The following RICTOR variants were observed in gnomAD, a reference collection of about 807,000 sequenced individuals.
RICTOR encodes RPTOR independent companion of MTOR complex 2, also known as rapamycin-insensitive companion of mTOR.
A neutral mutation model predicts 214.9 loss-of-function variants in RICTOR; 49 were observed. The ratio of observed to expected loss-of-function variants is 0.23; its 90% CI spans 0.18 to 0.29. The LOEUF is 0.29. RICTOR is among the 10% of genes least tolerant of loss of function. The pLI is 1.00. For synonymous variants in RICTOR, 717 were observed against 711.3 expected (o/e 1.01, Z -0.13); for missense variants, 1,625 against 2,047.0 (o/e 0.79, Z 3.98).
intron 2 of RICTOR, among the ~76,000 whole-genome samples, chr5:39,036,201 A>C (rs1756679502): frequency 6.6e-6 from 1 of 152,260 alleles, no homozygotes. Context: ...CCAGAATTTC[A>C]TATCCAGCCA....
At chr5:38,958,072 C>T (rs998140215) in intron 24 of RICTOR, among the ~76,000 whole-genome samples, 7 of 151,874 alleles carry the variant, frequency 4.6e-5, no homozygotes, top group African/African-American at 1.7e-4. Context: ...TCCAACTCTA[C>T]TAAAAATACA....
rs1296901009 is a variant in RICTOR, at chr5:39,074,332, G to T, written c.46C>A (p.Arg16=). ...RGRSLKNLRV[R]GRNDSGEENV... is the part of the protein sequence containing the mutation. ...GTGAGGGTTGCAGCGGGCTTACCTC[G>T]TACTCGGAGGTTCTTCAGAGAGCGG... The change falls in exon 1 of 38, where the codon CGA becomes AGA. Residue 16 remains arginine, a synonymous_variant. Coordinates refer to ENST00000357387, the MANE Select transcript of RICTOR (RefSeq NM_152756.5). 1.4e-5 allele frequency: 22 copies of T among 1,540,240 alleles called. No homozygotes were observed. The highest frequency in any genetic ancestry group is 1.9e-5 in the Non-Finnish European group (22 of 1,142,064).
chr5:39,011,071 C>T (rs1217973967), intron 3 of RICTOR, among the ~76,000 whole-genome samples: 1 of 152,140 alleles, frequency 6.6e-6, no homozygotes, highest in Non-Finnish European at 1.5e-5. Context: ...GGCAGCCCCT[C>T]CCATCACAGG....
chr5:39,064,244 A>G (rs1758748808), intron 2 of RICTOR, among the ~76,000 whole-genome samples: 2 of 152,352 alleles, frequency 1.3e-5, no homozygotes, highest in South Asian at 4.1e-4. Context: ...TAACAAAAAA[A>G]CACAAATAAC....
In RICTOR at chr5:38,957,718, A is replaced by T. The variant is rs41271103; in HGVS notation, c.2433T>A (p.Ile811=). 15,741 of 1,574,204 alleles carry T rather than the reference A, an allele frequency of 1.0e-2. 108 individuals are homozygous for T. The highest frequency in any genetic ancestry group is 0.012 in the Non-Finnish European group (13,677 of 1,151,442). Residue 811 remains isoleucine (I), a synonymous_variant, in exon 25 of 38, where the codon ATT becomes ATA. Transcript: ENST00000357387. ...GLLLLLRFLS[I]PKGFSYLNER... Reference sequence around the variant, plus strand: ...CATTCAGATAGGAAAATCCTTTTGGAATGGAGAGAAATCTGCAAATTAAAA... The same window carrying T: ...CATTCAGATAGGAAAATCCTTTTGGTATGGAGAGAAATCTGCAAATTAAAA...
rs757156639 is a variant in RICTOR, at chr5:38,947,355, G to A, written c.4223C>T (p.Ser1408Leu). Residue 1408 changes from serine to leucine, a missense_variant, in exon 32 of 38, where the codon TCA (serine) becomes TTA (leucine). By Grantham distance (145) the Ser-to-Leu change is moderately radical. Around this residue, in one of 5 missense-constraint regions of RICTOR, gnomAD observed 1,214 missense variants for 1,470.5 expected, o/e 0.83. Coordinates refer to ENST00000357387, the MANE Select transcript of RICTOR (RefSeq NM_152756.5). Reference sequence around the variant, plus strand: ...GGCACTGGACACCATGGACCGCACTGAGGAAGATCGTTGCAGGGTATTTTG... The same window carrying A: ...GGCACTGGACACCATGGACCGCACTAAGGAAGATCGTTGCAGGGTATTTTG... ...INQNTLQRSS[S>L]VRSMVSSATY... 6.2e-7 allele frequency: 1 copy of A among 1,612,134 alleles called. No individual in the cohort carries two copies. Among genetic ancestry groups the A allele is most frequent in the Non-Finnish European group, 8.5e-7 (1 of 1,178,400 alleles).
At chr5:39,047,633 T>G (rs922803964) in intron 2 of RICTOR, among the ~76,000 whole-genome samples, 7 of 152,214 alleles carry the variant, frequency 4.6e-5, no homozygotes, top group African/African-American at 1.7e-4. Flanking sequence ...TTATTTCTTT[T>G]AGGAAAAACA....
rs1747389413 is a variant in RICTOR, at chr5:38,940,131, A to AG, written c.*2172_*2173insC. On this transcript the variant is annotated 3_prime_UTR_variant, in exon 38 of 38. Coordinates refer to ENST00000357387, the MANE Select transcript of RICTOR (RefSeq NM_152756.5). ...CATACATATTTTTCAAAGTAACAGTAAAAAAAAAAAACAAAAAAAAAAACA... is the reference window on the plus strand; with the variant it reads ...CATACATATTTTTCAAAGTAACAGTAGAAAAAAAAAAACAAAAAAAAAAACA... 1 of 156,940 alleles carries AG rather than the reference A, an allele frequency of 6.4e-6. No individual in the cohort carries two copies. Among genetic ancestry groups the AG allele is most frequent in the Non-Finnish European group, 1.2e-5 (1 of 82,080 alleles). The allele number at this position is 156,940 out of a possible 1,614,324, so 9.7% of individuals were successfully genotyped here.
intron 2 of RICTOR, among the ~76,000 whole-genome samples, chr5:39,024,022 G>A (rs1424061364): frequency 6.6e-6 from 1 of 152,126 alleles, no homozygotes; most frequent in Non-Finnish European, 1.5e-5. Flanking sequence ...ACCCGGGGTG[G>A]GGATGGTTTT....
At chr5:38,996,532 T>C (rs1753189715) in intron 6 of RICTOR, among the ~76,000 whole-genome samples, 1 of 152,182 alleles carries the variant, frequency 6.6e-6, no homozygotes, top group Non-Finnish European at 1.5e-5. Flanking sequence ...TAGTAACTTA[T>C]CAAAGCAGTA....
chr5:39,035,370 GA>G (rs1158061365), intron 2 of RICTOR, among the ~76,000 whole-genome samples: 2 of 152,074 alleles, frequency 1.3e-5, no homozygotes, highest in African/African-American at 4.8e-5. Context: ...CAAAGATGGG[GA>G]AAAAACAGAG....
intron 31 of RICTOR, among the ~76,000 whole-genome samples, chr5:38,948,580 A>C (rs1176172654): frequency 6.6e-6 from 1 of 152,078 alleles, no homozygotes; most frequent in African/African-American, 2.4e-5. Context: ...ACAACAATAC[A>C]AAAGTTTACA....
At chr5:38,944,869 A>G (rs1276504314) in intron 35 of RICTOR, 44 bp downstream of exon 35, 2 of 1,566,834 alleles carry the variant, frequency 1.3e-6, no homozygotes, top group East Asian at 4.5e-5. Context: ...AACTAATCAG[A>G]ACAGTTTTAC....
At chr5:38,994,488 G>C (rs1753032042) in intron 6 of RICTOR, among the ~76,000 whole-genome samples, 1 of 123,374 alleles carries the variant, frequency 8.1e-6, no homozygotes, top group Non-Finnish European at 1.6e-5. Flanking sequence ...TGAAATTATA[G>C]TTTCTCTGGC....
intron 6 of RICTOR, among the ~76,000 whole-genome samples, chr5:38,995,451 C>G (rs1256545496): frequency 1.3e-5 from 2 of 151,924 alleles, no homozygotes; most frequent in Non-Finnish European, 2.9e-5. Flanking sequence ...AAAAAGATTA[C>G]ATACGGGGTA....
chr5:38,943,704 T>C (rs1450321155), intron 36 of RICTOR, among the ~76,000 whole-genome samples: 2 of 152,034 alleles, frequency 1.3e-5, no homozygotes, highest in South Asian at 2.1e-4. Flanking sequence ...TCCCAGCTAC[T>C]TGGGAGGCTG....
At chr5:38,978,550 T>C (rs367616655) in intron 9 of RICTOR, 33 bp downstream of exon 9, 1 of 1,119,502 alleles carries the variant, frequency 8.9e-7, no homozygotes, top group South Asian at 1.4e-5. Context: ...ATATACATTA[T>C]CTTAAAAATT....
At chr5:39,071,265 A>G (rs1759301959) in intron 2 of RICTOR, among the ~76,000 whole-genome samples, 1 of 152,222 alleles carries the variant, frequency 6.6e-6, no homozygotes, top group African/African-American at 2.4e-5. Context: ...TTTATTGGTA[A>G]TGTCACAGAT....
At chr5:39,066,580 G>T (rs1362707298) in intron 2 of RICTOR, among the ~76,000 whole-genome samples, 1 of 152,210 alleles carries the variant, frequency 6.6e-6, no homozygotes, top group Non-Finnish European at 1.5e-5. Flanking sequence ...ACATGGCTAG[G>T]CTGCAAATTT....
Sources: gnomAD v4.1 joint callset for allele counts (sites outside exome capture counted in the v4.1 genomes callset) on GRCh38, gnomAD v4.1.1 for gene constraint, gnomAD v4.1.1 regional missense constraint, MANE v1.5 for transcripts, NCBI Gene and HGNC (gene_info 2026-07-23, HGNC 2026-07-21) for gene names.